Variants in TOGARAM1 observed in about 807,000 individuals in gnomAD.
The protein encoded by TOGARAM1 is TOG array regulator of axonemal microtubules 1.
In TOGARAM1, 100 loss-of-function variants were observed where a neutral mutation model predicts 166.6. That is an observed-to-expected ratio of 0.60 (90% CI 0.51 to 0.71). TOGARAM1 has a LOEUF of 0.71. Ranked by LOEUF, TOGARAM1 falls within the 30% of genes least tolerant of loss-of-function variation. The probability of loss-of-function intolerance (pLI) is 0.00; values close to 1 mark genes in which losing one functional copy is unlikely to be tolerated. For synonymous variants in TOGARAM1, 758 were observed against 763.8 expected (o/e 0.99, Z 0.13); for missense variants, 2,029 against 2,102.7 (o/e 0.96, Z 0.69).
At chr14:45,023,745 CT>C (rs879407766) in intron 7 of TOGARAM1, among the ~76,000 whole-genome samples, 95 of 147,028 alleles carry the variant, frequency 6.5e-4, no homozygotes, top group South Asian at 6.2e-3. Flanking sequence ...CATGGCATAA[CT>C]TTTTTTTTTT....
chr14:44,999,999 T>G (rs540537107), intron 3 of TOGARAM1, among the ~76,000 whole-genome samples: 35 of 152,122 alleles, frequency 2.3e-4, no homozygotes, highest in Admixed American at 1.0e-3. Flanking sequence ...TATTTATTTA[T>G]TTATTTATTT....
intron 2 of TOGARAM1, chr14:44,996,853 G>A (rs377503786): frequency 2.0e-5 from 3 of 152,196 alleles, no homozygotes; most frequent in African/African-American, 4.8e-5. Context: ...CGCTTTTAAC[G>A]ATCAGATCTT....
chr14:45,060,254 C>T (rs1217134222), intron 16 of TOGARAM1, among the ~76,000 whole-genome samples: 1 of 145,254 alleles, frequency 6.9e-6, no homozygotes, highest in African/African-American at 2.6e-5. Flanking sequence ...CTTACTCTGT[C>T]ACCCAGACTG....
At chr14:45,011,238 C>G (rs905402054) in intron 6 of TOGARAM1, among the ~76,000 whole-genome samples, 2 of 152,088 alleles carry the variant, frequency 1.3e-5, no homozygotes, top group Admixed American at 1.3e-4. Context: ...ATAATATAGC[C>G]AAGTCTGTAT....
At chr14:45,022,413 C>T (rs1273880519) in intron 7 of TOGARAM1, among the ~76,000 whole-genome samples, 2 of 149,554 alleles carry the variant, frequency 1.3e-5, no homozygotes, top group African/African-American at 2.5e-5. Flanking sequence ...AGGAGCTTGG[C>T]GATAAGGCAG....
At chr14:45,016,447 C>T (rs2138873927) in intron 7 of TOGARAM1, among the ~76,000 whole-genome samples, 1 of 152,228 alleles carries the variant, frequency 6.6e-6, no homozygotes, top group Non-Finnish European at 1.5e-5. Context: ...TTTGGGAGGC[C>T]AAGGCGGGCG....
intron 1 of TOGARAM1, among the ~76,000 whole-genome samples, chr14:44,971,491 A>G (rs1012302863): frequency 6.6e-6 from 1 of 151,770 alleles, no homozygotes; most frequent in African/African-American, 2.4e-5. Context: ...TTTTCCAAGA[A>G]CCCGAGTTTG....
rs1883234882 is a variant in TOGARAM1 at position 45,068,513 on chromosome 14, A to G, written c.4839A>G (p.Leu1613=). ...AAACAATGCACAAAATGATTCCTCT[A>G]CTTAGAGACCACTTATCTCCTATAA... ...ALETMHKMIP[L]LRDHLSPIIN... The change falls in exon 18 of 20, where the codon CTA becomes CTG. Residue 1613 remains leucine (L), a synonymous_variant. Transcript: ENST00000361462. The G allele has an allele frequency of 1.9e-6, 3 of 1,613,642 alleles. No individual in the cohort carries two copies. The highest frequency in any genetic ancestry group is 2.5e-6 in the Non-Finnish European group (3 of 1,179,758).
rs1880965355 is a variant in TOGARAM1, at chr14:45,028,179, A to G, written c.3508A>G (p.Lys1170Glu). 1.3e-6 allele frequency: 2 copies of G among 1,568,730 alleles called. No homozygotes were observed. Among genetic ancestry groups the G allele is most frequent in the Middle Eastern group, 2.0e-4 (1 of 5,040 alleles). ...YLDVENEKDA[K>E]VSISKSTYNK... ...GACTTTCAACTTTTTCATGCAGGCTAAAGTTTCTATTTCTAAATCTACTTA... is the reference window on the plus strand; with the variant it reads ...GACTTTCAACTTTTTCATGCAGGCTGAAGTTTCTATTTCTAAATCTACTTA... Residue 1170 changes from lysine (K) to glutamate (E), a missense_variant, in exon 10 of 20, where the codon AAA (lysine) becomes GAA (glutamate). Lys to Glu is a moderately conservative substitution (Grantham distance 56). This residue lies in a region of TOGARAM1 where 1,453 missense variants were observed against 1,432.2 expected (regional missense o/e 1.01). Transcript: ENST00000361462.
In TOGARAM1 at chr14:44,990,918, G is replaced by A. The variant is rs185003640; in HGVS notation, c.2047-4828G>A. ...CCCACCTCAGCCTCCCAAAATGCAGGGATTACAGGTGTGAGCCACTACACC... is the reference window on the plus strand; with the variant it reads ...CCCACCTCAGCCTCCCAAAATGCAGAGATTACAGGTGTGAGCCACTACACC... On this transcript the variant is annotated intron_variant, in intron 1 of 19. Coordinates refer to ENST00000361462, the MANE Select transcript of TOGARAM1 (RefSeq NM_001308120.2). Among the ~76,000 whole-genome samples the A allele has an allele frequency of 4.1e-3, 604 of 148,016 alleles. 7 individuals are homozygous for A. Among genetic ancestry groups the A allele is most frequent in the Non-Finnish European group, 5.7e-3 (386 of 67,520 alleles).
At chr14:45,063,029 T>C (rs542378037) in intron 16 of TOGARAM1, among the ~76,000 whole-genome samples, 1 of 152,310 alleles carries the variant, frequency 6.6e-6, no homozygotes, top group Non-Finnish European at 1.5e-5. Flanking sequence ...ATTTGTTTAT[T>C]CTGGACATTT....
Position 44,975,412 on chromosome 14 carries a change from A to G in TOGARAM1, c.2046+10945A>G, listed in dbSNP as rs1434380044. Among the ~76,000 whole-genome samples the G allele has an allele frequency of 9.9e-5, 15 of 152,234 alleles. No individual in the cohort carries two copies. In the East Asian group the frequency reaches 2.9e-3, roughly 29 times the overall value. On this transcript the variant is annotated intron_variant, in intron 1 of 19. Coordinates refer to ENST00000361462, the MANE Select transcript of TOGARAM1 (RefSeq NM_001308120.2). Reference sequence around the variant, plus strand: ...CATCTTGTTAAAGGACTTAGGTTCCATATTTTCTCCATATTCCATATTCTT... The same window carrying G: ...CATCTTGTTAAAGGACTTAGGTTCCGTATTTTCTCCATATTCCATATTCTT...
intron 14 of TOGARAM1, among the ~76,000 whole-genome samples, chr14:45,050,863 C>T (rs1433903130): frequency 6.6e-6 from 1 of 152,166 alleles, no homozygotes; most frequent in Non-Finnish European, 1.5e-5. Flanking sequence ...GATCCACCTG[C>T]CTTGGCCTCC....
chr14:45,015,261 T>G (rs10138272), intron 7 of TOGARAM1, among the ~76,000 whole-genome samples: 1 of 151,482 alleles, frequency 6.6e-6, no homozygotes, highest in Admixed American at 6.6e-5. Flanking sequence ...GCCAAGATAG[T>G]GCCAATGTAT....
At chr14:44,981,123 G>GGAAAT (rs1354753369) in intron 1 of TOGARAM1, among the ~76,000 whole-genome samples, 2 of 152,080 alleles carry the variant, frequency 1.3e-5, no homozygotes, top group African/African-American at 4.8e-5. Context: ...TCTAGAAGTA[G>GGAAAT]GAAATTAATT....
At chr14:45,011,903 G>A (rs1229536561) in intron 6 of TOGARAM1, 72 bp from the exon 7 acceptor site, 1 of 1,033,976 alleles carries the variant, frequency 9.7e-7, no homozygotes, top group Non-Finnish European at 1.4e-6. Context: ...AAGGAGAATA[G>A]ACAATATGTG....
rs1384238524 is a variant in TOGARAM1, at chr14:45,045,573, ATATATATATATGTGTGTGTG to A, written c.4154+705_4154+724del. On this transcript the variant is annotated intron_variant, in intron 13 of 19. Coordinates refer to ENST00000361462, the MANE Select transcript of TOGARAM1 (RefSeq NM_001308120.2). Reference sequence around the variant, plus strand: ...TATATATATATATATATATATATATATATATATATATGTGTGTGTGTGTGTGTGTGTGTGTGTGTGTGTGT... The same window carrying A: ...TATATATATATATATATATATATATATGTGTGTGTGTGTGTGTGTGTGTGT... Among the ~76,000 whole-genome samples the A allele has an allele frequency of 3.6e-4, 14 of 39,410 alleles. 1 individual carries two copies. The highest frequency in any genetic ancestry group is 1.1e-3 in the African/African-American group (8 of 7,594). 25.9% of individuals were successfully genotyped at this position (39,410 alleles called of 152,430 possible). A position where few individuals can be genotyped will look rare whatever the true frequency, so the allele number is the denominator to read the frequency against.
intron 1 of TOGARAM1, among the ~76,000 whole-genome samples, chr14:44,972,286 C>T (rs1215796875): frequency 4.0e-5 from 6 of 150,302 alleles, no homozygotes; most frequent in Admixed American, 6.6e-5. Flanking sequence ...TTTTTTTTTG[C>T]GATAGAACGT....
chr14:45,045,553 A>G lies in TOGARAM1; in HGVS notation c.4154+683A>G, dbSNP rs1475922453. ...CCATGGTCTGTGTGTGTATATATATATATATATATATATATATATATATAT... is the reference window on the plus strand; with the variant it reads ...CCATGGTCTGTGTGTGTATATATATGTATATATATATATATATATATATAT... On this transcript the variant is annotated intron_variant, in intron 13 of 19. Transcript: ENST00000361462. Among the ~76,000 whole-genome samples the G allele has an allele frequency of 6.7e-3, 178 of 26,564 alleles. 5 individuals are homozygous for G. Among genetic ancestry groups the G allele is most frequent in the African/African-American group, 0.036 (167 of 4,642 alleles). 17.4% of individuals were successfully genotyped at this position (26,564 alleles called of 152,430 possible).
Sources: allele counts gnomAD v4.1 joint callset (sites outside exome capture counted in the v4.1 genomes callset), GRCh38; gene constraint gnomAD v4.1.1; regional missense constraint gnomAD v4.1.1; transcripts MANE v1.5; gene names NCBI Gene and HGNC (gene_info 2026-07-23, HGNC 2026-07-21).